MAGEC3: variants seen among roughly 807,000 people sequenced by gnomAD.
The protein encoded by MAGEC3 is MAGE family member C3, also known as melanoma-associated antigen C3.
MAGEC3 carries 34 observed loss-of-function variants against 35.3 expected under a neutral mutation model. The ratio of observed to expected loss-of-function variants is 0.96; its 90% CI spans 0.73 to 1.28. The LOEUF (loss-of-function observed/expected upper bound fraction) is 1.28, where lower values mean the gene tolerates loss of function less well. MAGEC3 is among the 50% of genes most tolerant of loss of function. MAGEC3 has a pLI of 0.00. For synonymous variants in MAGEC3, 202 were observed against 185.6 expected, an observed-to-expected ratio of 1.09 and a Z score of -0.72; for missense variants, 561 against 483.6, an observed-to-expected ratio of 1.16 and a Z score of -1.50.
intron 1 of MAGEC3, among the ~76,000 whole-genome samples, chrX:141,844,589 C>T (rs2017705530): frequency 9.0e-6 from 1 of 111,005 alleles, no homozygotes; most frequent in South Asian, 3.7e-4. Flanking sequence ...TTCCTTGACT[C>T]CTATTTTCTA....
chrX:141,893,710 G>T (rs1293500242), intron 4 of MAGEC3, among the ~76,000 whole-genome samples: 1 of 76,120 alleles, frequency 1.3e-5, no homozygotes, highest in Admixed American at 1.4e-4. Flanking sequence ...AGGAGGGCAG[G>T]AATTGGGGGG....
In MAGEC3 at chrX:141,879,240, G is replaced by A. The variant is rs182076629; in HGVS notation, c.324G>A (p.Pro108=). The change falls in exon 3 of 8, where the codon CCG becomes CCA. Residue 108 remains proline (P), a synonymous_variant. Transcript: ENST00000298296. The part of the protein sequence containing the change: ...QLSDLHFGSQ[P]EGKFSLRRAV... ...CTGACTTGCATTTTGGGAGTCAGCC[G>A]GAGGGGAAGTTTTCTCTGAGGAGGG... 26 of 1,202,372 alleles carry A rather than the reference G, an allele frequency of 2.2e-5. No homozygotes were observed. In the African/African-American group the frequency reaches 3.9e-4, roughly 18 times the overall value.
chrX:141,859,083 T>G (rs753672998), intron 1 of MAGEC3, among the ~76,000 whole-genome samples: 2 of 109,886 alleles, frequency 1.8e-5, no homozygotes, highest in South Asian at 7.7e-4. Flanking sequence ...CTGTCTTTTT[T>G]TTTTTTCAAA....
chrX:141,879,379 T>G lies in MAGEC3; in HGVS notation c.463T>G (p.Ser155Ala), dbSNP rs11095909. 8.5e-7 allele frequency: 1 copy of G among 1,179,783 alleles called. No individual in the cohort carries two copies. The highest frequency in any genetic ancestry group is 1.1e-6 in the Non-Finnish European group (1 of 884,287). ...TWRRGTGYTL[S>A]LPAVSPGKRL... Reference sequence around the variant, plus strand: ...GAGGAGAGGCACAGGCTACACCCTTTCCCTTCCTGCCGTCAGCCCTGGAAA... The same window carrying G: ...GAGGAGAGGCACAGGCTACACCCTTGCCCTTCCTGCCGTCAGCCCTGGAAA... The change falls in exon 3 of 8, where the codon TCC becomes GCC. Residue 155 changes from serine (S) to alanine (A), a missense_variant. Physicochemically the swap from Ser to Ala is moderately conservative, Grantham distance 99. Transcript: ENST00000298296.
intron 1 of MAGEC3, among the ~76,000 whole-genome samples, chrX:141,856,570 C>CA (rs200959077): frequency 0.17 from 18,048 of 109,186 alleles, 1,343 homozygotes; most frequent in African/African-American, 0.27. Context: ...GGTATATATC[C>CA]AAAAAAAACT....
intron 1 of MAGEC3, among the ~76,000 whole-genome samples, chrX:141,849,561 C>T (rs751333828): frequency 9.0e-6 from 1 of 110,760 alleles, no homozygotes; most frequent in African/African-American, 3.3e-5. Context: ...GAAAAATCAA[C>T]CCTATTAAAA....
chrX:141,871,102 C>CT (rs1379198514), intron 2 of MAGEC3, among the ~76,000 whole-genome samples: 3 of 111,832 alleles, frequency 2.7e-5, no homozygotes, highest in Middle Eastern at 9.1e-3. Context: ...TTAATTAAAG[C>CT]TTTTTTTAAA....
chrX:141,842,960 G>A (rs910280684), intron 1 of MAGEC3, among the ~76,000 whole-genome samples: 8 of 111,899 alleles, frequency 7.1e-5, no homozygotes, highest in African/African-American at 2.6e-4. Context: ...TAAGAGCCAG[G>A]TTTGTTTGAC....
intron 1 of MAGEC3, 70 bp downstream of exon 1, chrX:141,838,508 C>T (rs1302756320): frequency 8.6e-7 from 1 of 1,160,509 alleles, no homozygotes; most frequent in African/African-American, 1.8e-5. Context: ...GCATCTCAGC[C>T]TCAGTGTTGC....
intron 1 of MAGEC3, among the ~76,000 whole-genome samples, chrX:141,855,294 T>C (rs1261372177): frequency 9.0e-6 from 1 of 111,062 alleles, no homozygotes; most frequent in Non-Finnish European, 1.9e-5. Flanking sequence ...TTAGAAATTA[T>C]ATCTAGAATT....
At chrX:141,881,083 G>A (rs759492527) in intron 3 of MAGEC3, among the ~76,000 whole-genome samples, 1 of 112,241 alleles carries the variant, frequency 8.9e-6, no homozygotes, top group East Asian at 2.8e-4. Context: ...AGAGGAGGAA[G>A]AGGAGAAAAC....
At chrX:141,887,698 G>T (rs949065951) in intron 4 of MAGEC3, among the ~76,000 whole-genome samples, 6 of 112,200 alleles carry the variant, frequency 5.3e-5, no homozygotes, top group African/African-American at 1.9e-4. Flanking sequence ...CCAGGCTGCT[G>T]TGCAAGCTGC....
intron 1 of MAGEC3, among the ~76,000 whole-genome samples, chrX:141,841,722 C>T (rs185533175): frequency 7.2e-4 from 80 of 111,742 alleles, no homozygotes; most frequent in African/African-American, 2.3e-3. Context: ...CTCTCTGGAA[C>T]ATTTGTCAAT....
intron 2 of MAGEC3, among the ~76,000 whole-genome samples, chrX:141,871,258 T>C (rs780755134): frequency 8.9e-6 from 1 of 111,845 alleles, no homozygotes; most frequent in South Asian, 3.7e-4. Flanking sequence ...GAATACAGTT[T>C]CCAGGGCCTA....
At chrX:141,842,894 T>A (rs2124079616) in intron 1 of MAGEC3, among the ~76,000 whole-genome samples, 1 of 111,952 alleles carries the variant, frequency 8.9e-6, no homozygotes, top group Non-Finnish European at 1.9e-5. Flanking sequence ...GTCTTATGTT[T>A]TCCCTTTGAT....
At chrX:141,853,591 C>G (rs756149429) in intron 1 of MAGEC3, among the ~76,000 whole-genome samples, 1 of 111,694 alleles carries the variant, frequency 9.0e-6, no homozygotes, top group African/African-American at 3.2e-5. Context: ...ATTTCTCTTT[C>G]TGAGACACTT....
intron 2 of MAGEC3, among the ~76,000 whole-genome samples, chrX:141,873,326 G>A (rs1304861997): frequency 1.8e-5 from 2 of 110,705 alleles, no homozygotes; most frequent in African/African-American, 6.6e-5. Flanking sequence ...GCACCTGAAG[G>A]GAAAGGAATG....
At chrX:141,844,601 A>C (rs1393494184) in intron 1 of MAGEC3, among the ~76,000 whole-genome samples, 4 of 111,299 alleles carry the variant, frequency 3.6e-5, no homozygotes, top group Non-Finnish European at 7.6e-5. Context: ...TATTTTCTAG[A>C]GTCTATTGAG....
chrX:141,838,489 T>A, intron 1 of MAGEC3, 51 bp downstream of exon 1: 1 of 1,180,638 alleles, frequency 8.5e-7, no homozygotes, highest in East Asian at 3.0e-5. Context: ...AACAGCCAGC[T>A]CTTCTTTTGC....
Sources: allele counts gnomAD v4.1 joint callset (sites outside exome capture counted in the v4.1 genomes callset), GRCh38; gene constraint gnomAD v4.1.1; transcripts MANE v1.5; gene names NCBI Gene and HGNC (gene_info 2026-07-23, HGNC 2026-07-21).